The following GPC5 variants were observed in gnomAD, a reference collection of about 807,000 sequenced individuals.
The protein encoded by GPC5 is glypican-5.
A neutral mutation model predicts 53.9 loss-of-function variants in GPC5; 47 were observed. The observed-to-expected ratio is 0.87, with a 90% CI of 0.69 to 1.11. The LOEUF (loss-of-function observed/expected upper bound fraction) is 1.11, where lower values mean the gene tolerates loss of function less well. Ranked by LOEUF, GPC5 falls within the 50% of genes most tolerant of loss-of-function variation. The pLI, the probability that GPC5 is intolerant of heterozygous loss-of-function variation, is 0.00. For missense variants in GPC5, 748 were observed against 713.1 expected, an observed-to-expected ratio of 1.05 and a Z score of -0.56; for synonymous variants, 286 against 263.3, an observed-to-expected ratio of 1.09 and a Z score of -0.84.
chr13:92,533,268 GTTCTC>G (rs1881621487), intron 7 of GPC5, among the ~76,000 whole-genome samples: 1 of 152,162 alleles, frequency 6.6e-6, no homozygotes, highest in East Asian at 1.9e-4. Context: ...TTCACTGTAT[GTTCTC>G]ATACTGTAGG....
At position 92,374,759 on chromosome 13, in the gene GPC5, C is replaced by G. The variant is rs540517286; in HGVS notation, c.1561+229770C>G. Among the ~76,000 whole-genome samples the G allele has an allele frequency of 9.1e-3, 1,312 of 144,678 alleles. 17 individuals are homozygous for G. The highest frequency in any genetic ancestry group is 0.053 in the Middle Eastern group (14 of 264). 94.9% of individuals were successfully genotyped at this position (144,678 alleles called of 152,430 possible). On this transcript the variant is annotated intron_variant, in intron 7 of 7. Coordinates refer to ENST00000377067, the MANE Select transcript of GPC5 (RefSeq NM_004466.6). ...GGGAGATATACCTAATGCTAGATGACGAGTTAGTGGGTGCAGCGCACCAGC... is the reference window on the plus strand; with the variant it reads ...GGGAGATATACCTAATGCTAGATGAGGAGTTAGTGGGTGCAGCGCACCAGC...
chr13:92,241,474 G>T (rs543179563), intron 7 of GPC5: 1 of 152,262 alleles, frequency 6.6e-6, no homozygotes, highest in Non-Finnish European at 1.5e-5. Context: ...GTTAGTTCAA[G>T]AAATAGAAGG....
chr13:92,245,448 TC>T (rs2042643584), intron 7 of GPC5, among the ~76,000 whole-genome samples: 1 of 152,226 alleles, frequency 6.6e-6, no homozygotes, highest in African/African-American at 2.4e-5. Flanking sequence ...AAAAAATTAA[TC>T]TGTTTTATTC....
intron 2 of GPC5, among the ~76,000 whole-genome samples, chr13:91,489,203 T>C (rs1185349040): frequency 6.6e-6 from 1 of 152,206 alleles, no homozygotes; most frequent in Non-Finnish European, 1.5e-5. Context: ...TTGTGAAGCA[T>C]GTGATCTCTG....
intron 2 of GPC5, among the ~76,000 whole-genome samples, chr13:91,633,418 G>T (rs1407409715): frequency 6.6e-6 from 1 of 152,096 alleles, no homozygotes; most frequent in Non-Finnish European, 1.5e-5. Flanking sequence ...TAACCTAATG[G>T]CTAGAGATTG....
chr13:92,329,219 C>T (rs943364739), intron 7 of GPC5, among the ~76,000 whole-genome samples: 1 of 152,140 alleles, frequency 6.6e-6, no homozygotes, highest in Non-Finnish European at 1.5e-5. Flanking sequence ...GCTCATGGTT[C>T]TGCAGGCTGT....
At chr13:91,952,351 A>C (rs1201188786) in intron 6 of GPC5, among the ~76,000 whole-genome samples, 1 of 152,142 alleles carries the variant, frequency 6.6e-6, no homozygotes, top group Non-Finnish European at 1.5e-5. Flanking sequence ...CAGTGATGTT[A>C]AGTAATGTAC....
chr13:91,815,338 C>A (rs551282075), intron 5 of GPC5, among the ~76,000 whole-genome samples: 3 of 152,194 alleles, frequency 2.0e-5, no homozygotes, highest in African/African-American at 7.2e-5. Flanking sequence ...CACTGCACTC[C>A]AGCCTGGAAG....
At chr13:91,590,772 T>G (rs1403588077) in intron 2 of GPC5, among the ~76,000 whole-genome samples, 2 of 152,318 alleles carry the variant, frequency 1.3e-5, no homozygotes, top group Middle Eastern at 3.4e-3. Flanking sequence ...CCTCTTTTTC[T>G]TCTCCCTCCA....
At chr13:92,096,694 C>T (rs2041424850) in intron 6 of GPC5, among the ~76,000 whole-genome samples, 1 of 152,192 alleles carries the variant, frequency 6.6e-6, no homozygotes, top group Admixed American at 6.5e-5. Context: ...ACTCACTCTT[C>T]CTGCTCTCTA....
chr13:91,490,615 T>C lies in GPC5; in HGVS notation c.325+41693T>C, dbSNP rs148388140. On this transcript the variant is annotated intron_variant, in intron 2 of 7. Transcript: ENST00000377067. Reference sequence around the variant, plus strand: ...TGACTGCTGGTGTTATGACCCAACTTGCATTTTAAATCCTGGCTTCAATTT... The same window carrying C: ...TGACTGCTGGTGTTATGACCCAACTCGCATTTTAAATCCTGGCTTCAATTT... Among the ~76,000 whole-genome samples the C allele has an allele frequency of 1.7e-4, 26 of 152,318 alleles. No homozygotes were observed. In the East Asian group the frequency reaches 5.0e-3, roughly 29 times the overall value.
intron 2 of GPC5, among the ~76,000 whole-genome samples, chr13:91,570,875 A>G (rs1451912561): frequency 6.6e-6 from 1 of 152,188 alleles, no homozygotes; most frequent in African/African-American, 2.4e-5. Context: ...GGGAAAGTCA[A>G]GTTTCTTAGT....
intron 7 of GPC5, among the ~76,000 whole-genome samples, chr13:92,167,975 A>G (rs1368074591): frequency 1.3e-5 from 2 of 152,172 alleles, no homozygotes; most frequent in African/African-American, 2.4e-5. Flanking sequence ...GGGTGATGAC[A>G]TGACCTTCCA....
chr13:92,731,365 GTTAA>G (rs1352225622), intron 7 of GPC5, among the ~76,000 whole-genome samples: 3 of 151,468 alleles, frequency 2.0e-5, no homozygotes, highest in Admixed American at 1.3e-4. Context: ...ACTGTGGAAA[GTTAA>G]TTATGAAACA....
chr13:92,272,549 A>G (rs577903774), intron 7 of GPC5, among the ~76,000 whole-genome samples: 1 of 152,316 alleles, frequency 6.6e-6, no homozygotes, highest in East Asian at 1.9e-4. Flanking sequence ...GAGAAATCAC[A>G]AGTCCTGCAC....
chr13:91,767,053 G>A (rs1156352933), intron 5 of GPC5, among the ~76,000 whole-genome samples: 2 of 152,158 alleles, frequency 1.3e-5, no homozygotes, highest in African/African-American at 4.8e-5. Context: ...TTCATTGGAT[G>A]GGTTCTGTCT....
At chr13:92,239,132 T>A (rs1478776569) in intron 7 of GPC5, among the ~76,000 whole-genome samples, 1 of 149,878 alleles carries the variant, frequency 6.7e-6, no homozygotes, top group Non-Finnish European at 1.5e-5. Flanking sequence ...GTTTTCAAAT[T>A]GTGATGTGTG....
intron 2 of GPC5, among the ~76,000 whole-genome samples, chr13:91,495,830 C>T (rs1884223602): frequency 6.6e-6 from 1 of 152,144 alleles, no homozygotes; most frequent in Non-Finnish European, 1.5e-5. Flanking sequence ...AGAGACCAGC[C>T]TGACTAACAG....
At chr13:91,629,737 G>C (rs1413884850) in intron 2 of GPC5, among the ~76,000 whole-genome samples, 2 of 152,104 alleles carry the variant, frequency 1.3e-5, no homozygotes, top group Non-Finnish European at 2.9e-5. Flanking sequence ...TAAAATGTCA[G>C]TAAGAATGTG....
Sources: allele counts gnomAD v4.1 joint callset (sites outside exome capture counted in the v4.1 genomes callset), GRCh38; gene constraint gnomAD v4.1.1; transcripts MANE v1.5; gene names NCBI Gene and HGNC (gene_info 2026-07-23, HGNC 2026-07-21).